SYNE1: variants seen among roughly 807,000 people sequenced by gnomAD.
SYNE1 encodes nesprin-1.
In SYNE1, 616 loss-of-function variants were observed where a neutral mutation model predicts 1,111.0. That is an observed-to-expected ratio of 0.55 (90% CI 0.52 to 0.59). The LOEUF (loss-of-function observed/expected upper bound fraction) is 0.59. Ranked by LOEUF, SYNE1 falls within the 20% of genes least tolerant of loss-of-function variation. SYNE1 has a pLI of 0.00. For synonymous variants in SYNE1, 3,855 were observed against 3,825.8 expected, an observed-to-expected ratio of 1.01 and a Z score of -0.28; for missense variants, 10,006 against 10,417.0, an observed-to-expected ratio of 0.96 and a Z score of 1.72.
chr6:152,461,251 A>T (rs888814077), intron 21 of SYNE1, among the ~76,000 whole-genome samples: 4 of 152,060 alleles, frequency 2.6e-5, no homozygotes, highest in Non-Finnish European at 5.9e-5. Flanking sequence ...ACCAATTCTC[A>T]TTTAAATTTA....
At chr6:152,440,055 C>T (rs531908776) in intron 32 of SYNE1, among the ~76,000 whole-genome samples, 1 of 152,286 alleles carries the variant, frequency 6.6e-6, no homozygotes, top group East Asian at 1.9e-4. Context: ...GACTCAAAAC[C>T]TCAGGTATCA....
intron 62 of SYNE1, among the ~76,000 whole-genome samples, chr6:152,365,271 T>C: frequency 6.6e-6 from 1 of 152,308 alleles, no homozygotes; most frequent in Middle Eastern, 3.4e-3. Flanking sequence ...TTCCTTCCAA[T>C]GAAGTTTTAC....
At chr6:152,435,750 T>G (rs903329478) in intron 33 of SYNE1, 191 bp downstream of exon 33, 10 of 651,202 alleles carry the variant, frequency 1.5e-5, no homozygotes, top group Middle Eastern at 8.2e-4. Flanking sequence ...TTATATTTTT[T>G]GGGCTCTGTT....
At chr6:152,306,903 C>CAAAAA (rs973985274) in intron 91 of SYNE1, among the ~76,000 whole-genome samples, 4 of 60,580 alleles carry the variant, frequency 6.6e-5, no homozygotes, top group Non-Finnish European at 1.4e-4. Flanking sequence ...GACTGTGTCT[C>CAAAAA]AAAAAAAAAA....
In SYNE1 at chr6:152,400,737, A is replaced by C. The variant is rs17462274; in HGVS notation, c.7029+401T>G. On this transcript the variant is annotated intron_variant, in intron 47 of 145. Coordinates refer to ENST00000367255, the MANE Select transcript of SYNE1 (RefSeq NM_182961.4). ...ACTTCTTCTTTTTCAAAAAATATAC[A>C]TTATCTGGATGAAAGAAGTCACAGT... Among the ~76,000 whole-genome samples, 729 of 152,292 alleles carry C rather than the reference A, an allele frequency of 4.8e-3. 3 individuals carry two copies. Among genetic ancestry groups the C allele is most frequent in the Non-Finnish European group, 8.4e-3 (573 of 68,030 alleles).
intron 14 of SYNE1, among the ~76,000 whole-genome samples, chr6:152,475,151 CAT>C (rs1342457627): frequency 6.6e-6 from 1 of 152,122 alleles, no homozygotes; most frequent in Non-Finnish European, 1.5e-5. Flanking sequence ...AAATGGAACA[CAT>C]GTCAGGCAAA....
chr6:152,435,822 C>CTCT lies in SYNE1; in HGVS notation c.4310+118_4310+119insAGA, dbSNP rs2098469233. The CTCT allele has an allele frequency of 3.9e-6, 5 of 1,283,322 alleles. No individual in the cohort carries two copies. In the East Asian group the frequency reaches 1.2e-4, roughly 31 times the overall value. 79.5% of individuals were successfully genotyped at this position (1,283,322 alleles called of 1,614,324 possible). A position where few individuals can be genotyped will look rare whatever the true frequency, so the allele number is the denominator to read the frequency against. On this transcript the variant is annotated intron_variant, in intron 33 of 145. Coordinates refer to ENST00000367255, the MANE Select transcript of SYNE1 (RefSeq NM_182961.4). ...TGAACTGTGAGTTGTTTCCTCAAAACATGCTGAAATACACAGACACTTTGA... is the reference window on the plus strand; with the variant it reads ...TGAACTGTGAGTTGTTTCCTCAAAACTCTATGCTGAAATACACAGACACTTTGA...
At chr6:152,182,322 T>C (rs1332170247) in intron 128 of SYNE1, among the ~76,000 whole-genome samples, 1 of 152,216 alleles carries the variant, frequency 6.6e-6, no homozygotes, top group African/African-American at 2.4e-5. Flanking sequence ...GGTAAGAAGG[T>C]CTGAAGACGT....
chr6:152,416,737 G>C lies in SYNE1; in HGVS notation c.5700C>G (p.Asn1900Lys). 1 of 1,614,186 alleles carries C rather than the reference G, an allele frequency of 6.2e-7. No individual in the cohort carries two copies. Among genetic ancestry groups the C allele is most frequent in the Non-Finnish European group, 8.5e-7 (1 of 1,180,042 alleles). ...TVEATNSMNK[N>K]ESDLIEKDLN... ...GGTCCTTTTCTATCAAATCAGACTCGTTCTTATTCATACTGTTGGTTGCTT... is the reference window on the plus strand; with the variant it reads ...GGTCCTTTTCTATCAAATCAGACTCCTTCTTATTCATACTGTTGGTTGCTT... The change falls in exon 41 of 146, where the codon AAC (asparagine) becomes AAG (lysine). Residue 1900 changes from asparagine (N) to lysine (K), a missense_variant. Around this residue, in one of 7 missense-constraint regions of SYNE1, gnomAD observed 4,955 missense variants for 5,017.2 expected, o/e 0.99. Coordinates refer to ENST00000367255, the MANE Select transcript of SYNE1 (RefSeq NM_182961.4).
chr6:152,463,403 A>G lies in SYNE1; in HGVS notation c.2047T>C (p.Leu683=), dbSNP rs912120758. ...CTCCACCGCCCATTTAGCAACAGTA[A>G]TTGCTGCTTCAGGTCACGGGAAACC... ...EMVSRDLKQQ[L]LLLNGRWREL... is the part of the protein sequence containing the mutation. The change falls in exon 19 of 146, where the codon TTA becomes CTA. Residue 683 remains leucine, a synonymous_variant. Coordinates refer to ENST00000367255, the MANE Select transcript of SYNE1 (RefSeq NM_182961.4). 6.2e-7 allele frequency: 1 copy of G among 1,613,874 alleles called. No homozygotes were observed. The highest frequency in any genetic ancestry group is 8.5e-7 in the Non-Finnish European group (1 of 1,179,802).
At chr6:152,514,591 G>T (rs930154247) in intron 6 of SYNE1, among the ~76,000 whole-genome samples, 1 of 150,618 alleles carries the variant, frequency 6.6e-6, no homozygotes, top group Non-Finnish European at 1.5e-5. Flanking sequence ...AAACCTGCAC[G>T]TTCTGCACAT....
intron 124 of SYNE1, among the ~76,000 whole-genome samples, chr6:152,208,650 A>G (rs574306129): frequency 1.3e-5 from 2 of 152,358 alleles, no homozygotes; most frequent in South Asian, 4.1e-4. Flanking sequence ...CTCTGTCTTC[A>G]GTTCGAATCA....
chr6:152,609,001 C>G (rs1260906527), intron 3 of SYNE1, among the ~76,000 whole-genome samples: 4 of 152,006 alleles, frequency 2.6e-5, no homozygotes, highest in Non-Finnish European at 5.9e-5. Context: ...CAGACCCATT[C>G]CAAGATGGCC....
At position 152,329,756 on chromosome 6, in the gene SYNE1, T is replaced by C. The variant is rs142584676; in HGVS notation, c.14929A>G (p.Ile4977Val). 1.9e-6 allele frequency: 3 copies of C among 1,614,098 alleles called. No homozygotes were observed. Among genetic ancestry groups the C allele is most frequent in the African/African-American group, 2.7e-5 (2 of 74,936 alleles). Residue 4977 changes from isoleucine (I) to valine (V), a missense_variant, in exon 78 of 146, where the codon ATC becomes GTC. Coordinates refer to ENST00000367255, the MANE Select transcript of SYNE1 (RefSeq NM_182961.4). ...LAELSELDGDIQEALRTRQAT... is the reference protein window; with the variant it reads ...LAELSELDGDVQEALRTRQAT... ...TGTCTGGTGCGTAAGGCTTCCTGGA[T>C]GTCTCCATCCAGCTCTGAGAGCTCA... is the stretch of plus-strand genomic sequence containing the variant.
rs528549317 is a variant in SYNE1, at chr6:152,391,506, C to A, written c.7775G>T (p.Gly2592Val). 1.9e-5 allele frequency: 30 copies of A among 1,613,060 alleles called. No homozygotes were observed. The South Asian group carries it at 3.3e-4, about 18-fold the overall frequency. Residue 2592 changes from glycine (G) to valine (V), a missense_variant, in exon 52 of 146, where the codon GGG (glycine) becomes GTG (valine). Gly to Val is a moderately radical substitution (Grantham distance 109). This residue lies in a region of SYNE1 where 4,955 missense variants were observed against 5,017.2 expected (regional missense o/e 0.99). Transcript: ENST00000367255. ...QLLSEEGHGA[G>V]QEGRLCSQLL... ...CTGGGAACACAGGCGGCCCTCCTGC[C>A]CAGCACCGTGGCCTTCTTCACTCAG...
intron 124 of SYNE1, among the ~76,000 whole-genome samples, chr6:152,211,269 C>T (rs572762592): frequency 2.0e-5 from 3 of 152,240 alleles, no homozygotes; most frequent in South Asian, 4.2e-4. Flanking sequence ...TAGGTGATTT[C>T]CAATTACTCT....
intron 89 of SYNE1, 130 bp downstream of exon 89, chr6:152,310,266 A>C: frequency 1.5e-6 from 2 of 1,365,460 alleles, no homozygotes; most frequent in Non-Finnish European, 2.0e-6. Context: ...ACATAGGGAT[A>C]CCCTGTCTCT....
chr6:152,141,913 T>G (rs904607358), intron 138 of SYNE1, among the ~76,000 whole-genome samples: 2 of 151,950 alleles, frequency 1.3e-5, no homozygotes, highest in Non-Finnish European at 2.9e-5. Context: ...CTATAAAATA[T>G]TTTAAAAATG....
chr6:152,406,892 TA>T, intron 45 of SYNE1, 121 bp downstream of exon 45: 2 of 636,136 alleles, frequency 3.1e-6, no homozygotes, highest in Non-Finnish European at 4.3e-6. Flanking sequence ...AATATAATAA[TA>T]AAATAAAATA....
Sources: gnomAD v4.1 joint callset for allele counts (sites outside exome capture counted in the v4.1 genomes callset) on GRCh38, gnomAD v4.1.1 for gene constraint, gnomAD v4.1.1 regional missense constraint, MANE v1.5 for transcripts, NCBI Gene and HGNC (gene_info 2026-07-23, HGNC 2026-07-21) for gene names.